Variants in RABGAP1L observed in about 807,000 individuals in gnomAD.
RABGAP1L encodes rab GTPase-activating protein 1-like.
In RABGAP1L, 63 loss-of-function variants were observed where a neutral mutation model predicts 137.7. The observed-to-expected ratio is 0.46, with a 90% CI of 0.37 to 0.56. The LOEUF (loss-of-function observed/expected upper bound fraction) is 0.56. Among genes scored for constraint, RABGAP1L ranks in the 20% least tolerant of loss-of-function variants. The pLI is 0.00. For synonymous variants in RABGAP1L, 431 were observed against 433.7 expected, an observed-to-expected ratio of 0.99 and a Z score of 0.08; for missense variants, 1,095 against 1,244.0, an observed-to-expected ratio of 0.88 and a Z score of 1.80.
At chr1:174,258,784 T>C (rs369470758) in intron 7 of RABGAP1L, among the ~76,000 whole-genome samples, 1 of 151,614 alleles carries the variant, frequency 6.6e-6, no homozygotes, top group African/African-American at 2.4e-5. Flanking sequence ...GGTTTTTTTT[T>C]GTTTGTTTTT....
intron 19 of RABGAP1L, among the ~76,000 whole-genome samples, chr1:174,824,236 G>A (rs1358409985): frequency 6.6e-6 from 1 of 152,136 alleles, no homozygotes; most frequent in Non-Finnish European, 1.5e-5. Flanking sequence ...GTTGCAGTGA[G>A]CTGAGTTCGC....
chr1:174,936,546 A>G (rs1297199045), intron 19 of RABGAP1L, among the ~76,000 whole-genome samples: 5 of 151,916 alleles, frequency 3.3e-5, no homozygotes, highest in Admixed American at 3.3e-4. Context: ...GTGAGCCATG[A>G]GCATGTCACT....
At chr1:174,914,313 C>T (rs1473169852) in intron 19 of RABGAP1L, among the ~76,000 whole-genome samples, 1 of 152,200 alleles carries the variant, frequency 6.6e-6, no homozygotes, top group Non-Finnish European at 1.5e-5. Flanking sequence ...AGAGAGAATA[C>T]ATCCCTTCCG....
intron 11 of RABGAP1L, chr1:174,365,165 G>A (rs928435785): frequency 6.6e-6 from 1 of 152,410 alleles, no homozygotes; most frequent in Non-Finnish European, 1.5e-5. Context: ...ATATGTGAGA[G>A]TGACTCTTTG....
At chr1:174,200,743 T>C (rs1668036592) in intron 1 of RABGAP1L, among the ~76,000 whole-genome samples, 1 of 152,252 alleles carries the variant, frequency 6.6e-6, no homozygotes, top group Admixed American at 6.5e-5. Context: ...TTGAACCTTG[T>C]TTTTCTAATA....
intron 12 of RABGAP1L, among the ~76,000 whole-genome samples, chr1:174,382,968 G>C (rs1482981315): frequency 6.7e-6 from 1 of 149,396 alleles, no homozygotes; most frequent in Non-Finnish European, 1.5e-5. Context: ...ATGGGTTTTC[G>C]GTGTGGATGT....
chr1:174,274,768 T>G (rs899136976), intron 8 of RABGAP1L, among the ~76,000 whole-genome samples: 8 of 152,194 alleles, frequency 5.3e-5, no homozygotes, highest in Admixed American at 3.9e-4. Flanking sequence ...CACAATCTGA[T>G]TAGTGAAGTA....
chr1:174,487,539 T>C (rs1005643988), intron 13 of RABGAP1L, among the ~76,000 whole-genome samples: 13 of 152,294 alleles, frequency 8.5e-5, no homozygotes, highest in African/African-American at 2.9e-4. Context: ...GTTTTTCTTG[T>C]AGGCAACAGA....
At chr1:174,654,064 A>T (rs1201554493) in intron 14 of RABGAP1L, among the ~76,000 whole-genome samples, 1 of 152,176 alleles carries the variant, frequency 6.6e-6, no homozygotes, top group Non-Finnish European at 1.5e-5. Context: ...AGGGAAGAAG[A>T]AAGGAAAGTT....
At chr1:174,711,100 C>T (rs1337393649) in intron 17 of RABGAP1L, among the ~76,000 whole-genome samples, 1 of 151,350 alleles carries the variant, frequency 6.6e-6, no homozygotes, top group Non-Finnish European at 1.5e-5. Context: ...CCCTCACTGT[C>T]TGGGGCCGGC....
chr1:174,800,642 C>T (rs1688676402), intron 18 of RABGAP1L: 2 of 1,253,742 alleles, frequency 1.6e-6, no homozygotes, highest in Non-Finnish European at 2.2e-6. Flanking sequence ...GCTGAGTGGC[C>T]ACTGTTGTGC....
intron 13 of RABGAP1L, among the ~76,000 whole-genome samples, chr1:174,407,056 G>C (rs1187497924): frequency 6.6e-6 from 1 of 152,036 alleles, no homozygotes; most frequent in East Asian, 1.9e-4. Flanking sequence ...TAGGGATTTT[G>C]CTTTGTCTTT....
chr1:174,508,790 AAAT>A (rs1236228319), intron 13 of RABGAP1L, among the ~76,000 whole-genome samples: 1 of 152,194 alleles, frequency 6.6e-6, no homozygotes, highest in African/African-American at 2.4e-5. Context: ...CTCATCCTGG[AAAT>A]AATGATATTA....
At chr1:174,269,332 G>A (rs180978740) in intron 7 of RABGAP1L, among the ~76,000 whole-genome samples, 190 of 152,348 alleles carry the variant, frequency 1.2e-3, no homozygotes, top group Non-Finnish European at 2.4e-3. Context: ...TGGAAAGTGA[G>A]ACTTTGAGGT....
intron 13 of RABGAP1L, among the ~76,000 whole-genome samples, chr1:174,442,772 T>C (rs1343466823): frequency 6.6e-6 from 1 of 152,132 alleles, no homozygotes; most frequent in South Asian, 2.1e-4. Flanking sequence ...TAATATACAA[T>C]AAATTGTTAA....
At chr1:174,774,013 G>A (rs560547221) in intron 18 of RABGAP1L, among the ~76,000 whole-genome samples, 1 of 152,310 alleles carries the variant, frequency 6.6e-6, no homozygotes, top group Admixed American at 6.5e-5. Flanking sequence ...AGTGTTGATA[G>A]TTTGATAACT....
At chr1:174,601,246 G>A (rs577127212) in intron 13 of RABGAP1L, among the ~76,000 whole-genome samples, 8 of 152,272 alleles carry the variant, frequency 5.3e-5, no homozygotes, top group African/African-American at 7.2e-5. Context: ...TTTTTCCTCC[G>A]GGGCCTCCAG....
At chr1:174,659,250 A>G (rs1476336135) in intron 14 of RABGAP1L, among the ~76,000 whole-genome samples, 1 of 152,140 alleles carries the variant, frequency 6.6e-6, no homozygotes, top group African/African-American at 2.4e-5. Context: ...AAAAAAAAAA[A>G]AAAATCCTCA....
chr1:174,589,168 T>C (rs1314565153), intron 13 of RABGAP1L, among the ~76,000 whole-genome samples: 2 of 152,226 alleles, frequency 1.3e-5, no homozygotes, highest in Non-Finnish European at 2.9e-5. Flanking sequence ...TGATATCTCA[T>C]TGTAGTTTTA....
Sources: gnomAD v4.1 joint callset for allele counts (sites outside exome capture counted in the v4.1 genomes callset) on GRCh38, gnomAD v4.1.1 for gene constraint, MANE v1.5 for transcripts, NCBI Gene and HGNC (gene_info 2026-07-23, HGNC 2026-07-21) for gene names.